The following CSMD1 variants were observed in gnomAD, a reference collection of about 807,000 sequenced individuals.
CSMD1 encodes CUB and Sushi multiple domains 1, also known as CUB and sushi domain-containing protein 1.
A neutral mutation model predicts 417.5 loss-of-function variants in CSMD1; 213 were observed. The observed-to-expected ratio is 0.51, with a 90% confidence interval of 0.46 to 0.57. The LOEUF is 0.57. Among genes scored for constraint, CSMD1 ranks in the 20% least tolerant of loss-of-function variants. The probability of loss-of-function intolerance (pLI) is 0.00; values close to 1 mark genes in which losing one functional copy is unlikely to be tolerated. For missense variants in CSMD1, 6,923 were observed against 4,529.7 expected (o/e 1.53, Z -15.17); for synonymous variants, 2,862 against 1,736.8 (o/e 1.65, Z -16.11).
chr8:4,919,763 G>A (rs1271665941), intron 1 of CSMD1, among the ~76,000 whole-genome samples: 1 of 152,188 alleles, frequency 6.6e-6, no homozygotes, highest in African/African-American at 2.4e-5. Context: ...ATTAGCCTGT[G>A]ATGGCTGCTC....
chr8:3,369,223 T>C (rs1260928143), intron 19 of CSMD1, 31 bp downstream of exon 19: 1 of 1,053,586 alleles, frequency 9.5e-7, no homozygotes, highest in Non-Finnish European at 1.5e-6. Context: ...TTTATTAGTC[T>C]GTATGTTTGA....
chr8:3,024,015 C>T (rs895252915), intron 51 of CSMD1, among the ~76,000 whole-genome samples: 2 of 151,998 alleles, frequency 1.3e-5, no homozygotes, highest in East Asian at 3.9e-4. Context: ...ATTGGCCTTA[C>T]AAAAATGTGT....
At chr8:3,831,375 C>T (rs1585059707) in intron 5 of CSMD1, among the ~76,000 whole-genome samples, 2 of 152,218 alleles carry the variant, frequency 1.3e-5, no homozygotes, top group East Asian at 1.9e-4. Flanking sequence ...CTCGTCTTTC[C>T]AACAGAGACA....
At chr8:3,059,381 A>G (rs1812443205) in intron 49 of CSMD1, among the ~76,000 whole-genome samples, 1 of 151,286 alleles carries the variant, frequency 6.6e-6, no homozygotes, top group Non-Finnish European at 1.5e-5. Flanking sequence ...TTTCTCTGCA[A>G]CAACTCATGC....
chr8:3,571,655 C>CA (rs1799947319), intron 10 of CSMD1, among the ~76,000 whole-genome samples: 5 of 152,038 alleles, frequency 3.3e-5, no homozygotes, highest in Admixed American at 3.3e-4. Context: ...GTGTTCTGCG[C>CA]TCCCCGAGCT....
intron 3 of CSMD1, among the ~76,000 whole-genome samples, chr8:4,202,947 T>C (rs957409587): frequency 1.3e-5 from 2 of 152,154 alleles, no homozygotes; most frequent in East Asian, 3.9e-4. Flanking sequence ...TATCTCTTTT[T>C]GCAGTTGTGG....
chr8:3,995,823 C>G (rs971544781), intron 5 of CSMD1, among the ~76,000 whole-genome samples: 1 of 152,168 alleles, frequency 6.6e-6, no homozygotes, highest in Non-Finnish European at 1.5e-5. Flanking sequence ...AGCAGCTAAG[C>G]TAACAGGCAA....
At chr8:4,367,932 C>T (rs564994278) in intron 3 of CSMD1, among the ~76,000 whole-genome samples, 1 of 152,190 alleles carries the variant, frequency 6.6e-6, no homozygotes, top group Non-Finnish European at 1.5e-5. Context: ...AGTTGTTTAT[C>T]AGTTCTAGAA....
intron 3 of CSMD1, among the ~76,000 whole-genome samples, chr8:4,409,773 T>C (rs964727025): frequency 1.3e-5 from 2 of 151,780 alleles, no homozygotes; most frequent in African/African-American, 4.8e-5. Context: ...CAGGAGAATG[T>C]AATATCATAC....
chr8:3,797,901 T>A (rs1800246747), intron 5 of CSMD1, among the ~76,000 whole-genome samples: 1 of 152,058 alleles, frequency 6.6e-6, no homozygotes, highest in African/African-American at 2.4e-5. Flanking sequence ...TTGTTACGCA[T>A]CCCTGTCAAC....
At chr8:4,933,779 C>T (rs1807413357) in intron 1 of CSMD1, among the ~76,000 whole-genome samples, 1 of 152,122 alleles carries the variant, frequency 6.6e-6, no homozygotes, top group South Asian at 2.1e-4. Flanking sequence ...TGCTTTCTTC[C>T]TCTCTTCCTT....
At chr8:4,547,762 C>T (rs1403072831) in intron 2 of CSMD1, among the ~76,000 whole-genome samples, 6 of 152,282 alleles carry the variant, frequency 3.9e-5, no homozygotes, top group Non-Finnish European at 7.4e-5. Context: ...TGAATGAAAA[C>T]TCTTGTACCC....
chr8:4,759,122 G>A (rs1243975029), intron 1 of CSMD1, among the ~76,000 whole-genome samples: 2 of 152,222 alleles, frequency 1.3e-5, no homozygotes, highest in Admixed American at 6.5e-5. Flanking sequence ...TGGGCTGAGG[G>A]AGAAGGTGAA....
chr8:3,010,762 G>C, intron 52 of CSMD1, among the ~76,000 whole-genome samples: 1 of 119,524 alleles, frequency 8.4e-6, no homozygotes, highest in Non-Finnish European at 1.8e-5. Context: ...TTTTTTTTTT[G>C]AGATGAAATT....
At chr8:4,428,276 G>C (rs1442950223) in intron 2 of CSMD1, among the ~76,000 whole-genome samples, 2 of 152,118 alleles carry the variant, frequency 1.3e-5, no homozygotes, top group Admixed American at 1.3e-4. Flanking sequence ...AGGAAAATCA[G>C]GACAGCTTGT....
chr8:3,649,032 G>A (rs1350033846), intron 7 of CSMD1, among the ~76,000 whole-genome samples: 1 of 152,122 alleles, frequency 6.6e-6, no homozygotes, highest in Admixed American at 6.5e-5. Context: ...AGGTCACAGA[G>A]TTCATCAATG....
chr8:4,701,164 C>T (rs1807513089), intron 1 of CSMD1, among the ~76,000 whole-genome samples: 1 of 152,104 alleles, frequency 6.6e-6, no homozygotes, highest in Non-Finnish European at 1.5e-5. Context: ...GGCTCCCCCA[C>T]AGCTAGGGGA....
At chr8:4,231,914 A>T (rs372707206) in intron 3 of CSMD1, among the ~76,000 whole-genome samples, 1 of 113,220 alleles carries the variant, frequency 8.8e-6, no homozygotes, top group African/African-American at 3.5e-5. Flanking sequence ...TCTGAATCTC[A>T]TACATAAAAT....
chr8:3,633,989 C>T (rs774150816), intron 7 of CSMD1, among the ~76,000 whole-genome samples: 40 of 146,636 alleles, frequency 2.7e-4, no homozygotes, highest in Non-Finnish European at 5.5e-4. Flanking sequence ...ATGCATGACC[C>T]TTATATAAAA....
Sources: allele counts gnomAD v4.1 joint callset (sites outside exome capture counted in the v4.1 genomes callset), GRCh38; gene constraint gnomAD v4.1.1; transcripts MANE v1.5; gene names NCBI Gene and HGNC (gene_info 2026-07-23, HGNC 2026-07-21).